PGCKA1: variants seen among roughly 807,000 people sequenced by gnomAD.
PGCKA1 encodes PDCD10 and GCKIII kinases associated 1.
chr4:37,491,043 CAA>C, the PGCKA1 span, among the ~76,000 whole-genome samples: 4 of 152,064 alleles, frequency 2.6e-5, no homozygotes, highest in Admixed American at 6.6e-5. Flanking sequence ...TAAATTTTAT[CAA>C]AGTTATATAC....
the PGCKA1 span, among the ~76,000 whole-genome samples, chr4:37,586,183 C>T: frequency 6.6e-6 from 1 of 152,160 alleles, no homozygotes; most frequent in East Asian, 1.9e-4. Flanking sequence ...GGCCAAGTGA[C>T]TGAGGCCCAA....
chr4:37,480,708 G>A, the PGCKA1 span, among the ~76,000 whole-genome samples: 1 of 152,222 alleles, frequency 6.6e-6, no homozygotes, highest in Non-Finnish European at 1.5e-5. Context: ...CAGCCCAGAG[G>A]TGGGTTATCT....
chr4:37,578,075 G>A, the PGCKA1 span, among the ~76,000 whole-genome samples: 1 of 152,176 alleles, frequency 6.6e-6, no homozygotes, highest in African/African-American at 2.4e-5. Flanking sequence ...TTGATCTACA[G>A]TACAGTTAAG....
the PGCKA1 span, among the ~76,000 whole-genome samples, chr4:37,467,658 A>T: frequency 6.6e-6 from 1 of 152,256 alleles, no homozygotes; most frequent in Non-Finnish European, 1.5e-5. Context: ...ACCAAGGGAT[A>T]TACTGGCTTG....
the PGCKA1 span, among the ~76,000 whole-genome samples, chr4:37,583,441 GTT>G: frequency 6.8e-6 from 1 of 146,202 alleles, no homozygotes. Flanking sequence ...TTTTGTTTTT[GTT>G]TTTTTTTTTT....
chr4:37,570,429 CA>C, the PGCKA1 span, among the ~76,000 whole-genome samples: 50,853 of 117,240 alleles, frequency 0.43, 10,357 homozygotes, highest in Non-Finnish European at 0.5. Context: ...ATGTTTCTGC[CA>C]AAAAAAAAAA....
At chr4:37,488,451 T>C in the PGCKA1 span, among the ~76,000 whole-genome samples, 1 of 152,184 alleles carries the variant, frequency 6.6e-6, no homozygotes, top group African/African-American at 2.4e-5. Context: ...ATTCTGCCTC[T>C]TGACATCCAC....
chr4:37,532,524 C>T, the PGCKA1 span, among the ~76,000 whole-genome samples: 1 of 151,292 alleles, frequency 6.6e-6, no homozygotes, highest in South Asian at 2.1e-4. Flanking sequence ...TTTAAAAATA[C>T]TATTATTTGT....
At chr4:37,486,243 T>C in the PGCKA1 span, among the ~76,000 whole-genome samples, 2 of 151,640 alleles carry the variant, frequency 1.3e-5, no homozygotes, top group African/African-American at 4.8e-5. Context: ...TAGGTGAAGA[T>C]TTTTTTTTCC....
chr4:37,469,705 G>C, the PGCKA1 span, among the ~76,000 whole-genome samples: 2 of 152,176 alleles, frequency 1.3e-5, no homozygotes, highest in African/African-American at 4.8e-5. Context: ...GCTATGCCCA[G>C]ACCAAGCAAT....
the PGCKA1 span, among the ~76,000 whole-genome samples, chr4:37,593,257 C>T: frequency 6.6e-6 from 1 of 152,196 alleles, no homozygotes; most frequent in East Asian, 1.9e-4. Context: ...CAAATAGAGG[C>T]TTATTTACCT....
the PGCKA1 span, among the ~76,000 whole-genome samples, chr4:37,506,666 T>C: frequency 6.6e-6 from 1 of 152,038 alleles, no homozygotes; most frequent in African/African-American, 2.4e-5. Context: ...TTCCATTATT[T>C]AGAATGTTTT....
At chr4:37,482,850 G>A in the PGCKA1 span, among the ~76,000 whole-genome samples, 1 of 152,184 alleles carries the variant, frequency 6.6e-6, no homozygotes, top group Non-Finnish European at 1.5e-5. Context: ...TGGCTAAAAG[G>A]GGCCAACATA....
chr4:37,462,247 C>A, the PGCKA1 span, among the ~76,000 whole-genome samples: 3 of 152,302 alleles, frequency 2.0e-5, no homozygotes, highest in East Asian at 5.8e-4. Context: ...TTCCCAACAA[C>A]CCTGTGATAT....
chr4:37,493,554 T>C, the PGCKA1 span, among the ~76,000 whole-genome samples: 6 of 152,330 alleles, frequency 3.9e-5, no homozygotes, highest in South Asian at 1.2e-3. Flanking sequence ...AATGATTAAA[T>C]AGGAGACTAT....
At chr4:37,549,752 C>T in the PGCKA1 span, among the ~76,000 whole-genome samples, 3 of 152,118 alleles carry the variant, frequency 2.0e-5, no homozygotes, top group South Asian at 4.1e-4. Context: ...GTAGGCCCAA[C>T]CTCCGAGACT....
the PGCKA1 span, among the ~76,000 whole-genome samples, chr4:37,557,850 A>C: frequency 6.6e-6 from 1 of 152,218 alleles, no homozygotes; most frequent in East Asian, 1.9e-4. Context: ...CCCCAGCCTG[A>C]TAAATGTGAA....
the PGCKA1 span, among the ~76,000 whole-genome samples, chr4:37,512,006 C>G: frequency 2.0e-5 from 3 of 152,212 alleles, no homozygotes; most frequent in African/African-American, 7.2e-5. Flanking sequence ...TTGATTTCCA[C>G]TCTGACAGGA....
chr4:37,583,549 G>A, the PGCKA1 span, among the ~76,000 whole-genome samples: 1 of 151,838 alleles, frequency 6.6e-6, no homozygotes, highest in Non-Finnish European at 1.5e-5. Flanking sequence ...CCATTCTCCT[G>A]CCTCAGCCTC....
Sources: allele counts gnomAD v4.1 joint callset (sites outside exome capture counted in the v4.1 genomes callset), GRCh38; gene constraint gnomAD v4.1.1; transcripts MANE v1.5; gene names NCBI Gene and HGNC (gene_info 2026-07-23, HGNC 2026-07-21).